The following FNIP1 variants were observed in gnomAD, a reference collection of about 807,000 sequenced individuals.
FNIP1 encodes the protein folliculin-interacting protein 1.
FNIP1 carries 40 observed loss-of-function variants against 124.5 expected under a neutral mutation model. The observed-to-expected ratio is 0.32, with a 90% CI of 0.25 to 0.42. The LOEUF is 0.42. FNIP1 is among the 10% of genes least tolerant of loss of function. The pLI is 1.00. For missense variants in FNIP1, 1,176 were observed against 1,403.7 expected (o/e 0.84, Z 2.59); for synonymous variants, 472 against 470.6 (o/e 1.00, Z -0.04).
At chr5:131,757,635 C>CA (rs372983798) in intron 1 of FNIP1, among the ~76,000 whole-genome samples, 1,279 of 70,102 alleles carry the variant, frequency 0.018, 17 homozygotes, top group African/African-American at 0.052. Context: ...CTCTGAAGGC[C>CA]AAAAAAAAAA....
intron 15 of FNIP1, among the ~76,000 whole-genome samples, chr5:131,665,643 G>A (rs1025642893): frequency 8.1e-5 from 12 of 148,306 alleles, no homozygotes; most frequent in African/African-American, 3.0e-4. Flanking sequence ...GGCCTGGAGT[G>A]CAATGGTGAA....
intron 1 of FNIP1, among the ~76,000 whole-genome samples, chr5:131,776,487 C>A (rs1038085247): frequency 2.6e-5 from 4 of 152,286 alleles, no homozygotes; most frequent in African/African-American, 9.6e-5. Flanking sequence ...AACCCTTTGA[C>A]TGAAAAACAA....
At chr5:131,732,034 A>G (rs1770111047) in intron 2 of FNIP1, among the ~76,000 whole-genome samples, 1 of 152,214 alleles carries the variant, frequency 6.6e-6, no homozygotes, top group South Asian at 2.1e-4. Context: ...GTGTAGAAGA[A>G]AAATGTATTT....
Position 131,705,313 on chromosome 5 carries a change from GA to G in FNIP1, c.915-1048del, listed in dbSNP as rs796767543. 8.4e-3 allele frequency among the ~76,000 whole-genome samples: 1,192 copies of G among 141,230 alleles called. 20 individuals are homozygous for G. Among genetic ancestry groups the G allele is most frequent in the African/African-American group, 0.026 (992 of 38,860 alleles). 92.7% of individuals were successfully genotyped at this position (141,230 alleles called of 152,430 possible). On this transcript the variant is annotated intron_variant, in intron 9 of 17. Transcript: ENST00000510461. ...GCGAAACCCCATCTCTAAAAAAAAA[GA>G]AAAAAAAAAAATTAGCCAGGTGTGG... is the stretch of plus-strand genomic sequence containing the variant.
intron 1 of FNIP1, among the ~76,000 whole-genome samples, chr5:131,771,774 ATTTATC>A (rs1189935524): frequency 6.6e-6 from 1 of 151,984 alleles, no homozygotes; most frequent in Non-Finnish European, 1.5e-5. Flanking sequence ...TCTTTCACCT[ATTTATC>A]TTTAAAAAGT....
chr5:131,740,410 G>A (rs1370484984), intron 2 of FNIP1, among the ~76,000 whole-genome samples: 1 of 152,148 alleles, frequency 6.6e-6, no homozygotes, highest in Non-Finnish European at 1.5e-5. Flanking sequence ...CTTAAAATCT[G>A]TAATCATCTT....
intron 7 of FNIP1, among the ~76,000 whole-genome samples, chr5:131,709,899 A>C (rs1769232892): frequency 6.6e-6 from 1 of 152,216 alleles, no homozygotes; most frequent in Non-Finnish European, 1.5e-5. Flanking sequence ...TACCAATCTG[A>C]GAACAATGAA....
intron 11 of FNIP1, among the ~76,000 whole-genome samples, chr5:131,688,131 A>G (rs1768346001): frequency 6.6e-6 from 1 of 152,050 alleles, no homozygotes; most frequent in Non-Finnish European, 1.5e-5. Flanking sequence ...TAATTTTAAG[A>G]TTACAGAACA....
intron 1 of FNIP1, among the ~76,000 whole-genome samples, chr5:131,754,693 A>G (rs1056926966): frequency 9.2e-5 from 14 of 152,242 alleles, no homozygotes; most frequent in African/African-American, 3.4e-4. Context: ...GGAGCATCAG[A>G]TCAACAGACA....
At chr5:131,790,038 A>G (rs534595781) in intron 1 of FNIP1, among the ~76,000 whole-genome samples, 7 of 152,344 alleles carry the variant, frequency 4.6e-5, no homozygotes, top group Admixed American at 3.3e-4. Flanking sequence ...CAAATATCCA[A>G]AACAGAACTT....
At chr5:131,791,778 A>G (rs1772412730) in intron 1 of FNIP1, among the ~76,000 whole-genome samples, 1 of 152,220 alleles carries the variant, frequency 6.6e-6, no homozygotes, top group South Asian at 2.1e-4. Flanking sequence ...ATGACACCAA[A>G]TTGGAATATG....
intron 11 of FNIP1, among the ~76,000 whole-genome samples, chr5:131,683,834 G>A (rs1325532444): frequency 6.6e-6 from 1 of 152,226 alleles, no homozygotes; most frequent in East Asian, 1.9e-4. Context: ...TAGCAACACT[G>A]AACCACTGCC....
chr5:131,781,286 G>A (rs745998749), intron 1 of FNIP1, among the ~76,000 whole-genome samples: 1 of 152,204 alleles, frequency 6.6e-6, no homozygotes, highest in Non-Finnish European at 1.5e-5. Context: ...AAATTACCCA[G>A]AAGATCTAGC....
rs1003866794 is a variant in FNIP1 at position 131,761,750 on chromosome 5, GA to G, written c.93-17061del. ...ACCAATGACATTCTTGACAGGAATA[GA>G]AAAAAAAAAATCCTTAAATTCATAC... is the stretch of plus-strand genomic sequence containing the variant. On this transcript the variant is annotated intron_variant, in intron 1 of 17. Transcript: ENST00000510461. Among the ~76,000 whole-genome samples the G allele has an allele frequency of 1.1e-3, 165 of 145,506 alleles. 1 individual carries two copies. Among genetic ancestry groups the G allele is most frequent in the Middle Eastern group, 3.5e-3 (1 of 288 alleles).
rs766296712 is a variant in FNIP1 at position 131,796,838 on chromosome 5, G to A, written c.84C>T (p.Cys28=). Residue 28 remains cysteine (C), a synonymous_variant, in exon 1 of 18, where the codon TGC becomes TGT. Coordinates refer to ENST00000510461, the MANE Select transcript of FNIP1 (RefSeq NM_133372.3). ...GCCCCACAGCGCCCTACCTGAACCCGCAATCTGGGTCCCGGGCGTCGCGGC... is the reference window on the plus strand; with the variant it reads ...GCCCCACAGCGCCCTACCTGAACCCACAATCTGGGTCCCGGGCGTCGCGGC... ...APGRDARDPD[C]GFSWPLPEFD... 2.5e-6 allele frequency: 4 copies of A among 1,591,072 alleles called. No homozygotes were observed. The highest frequency in any genetic ancestry group is 1.1e-5 in the South Asian group (1 of 87,986).
chr5:131,777,243 T>A (rs1222813837), intron 1 of FNIP1, among the ~76,000 whole-genome samples: 2 of 152,098 alleles, frequency 1.3e-5, no homozygotes, highest in Non-Finnish European at 2.9e-5. Context: ...TTAATTTGAA[T>A]TGGAACTTTC....
At chr5:131,659,239 C>G (rs1232896250) in intron 15 of FNIP1, among the ~76,000 whole-genome samples, 1 of 152,182 alleles carries the variant, frequency 6.6e-6, no homozygotes, top group Non-Finnish European at 1.5e-5. Context: ...TGTTGGTGTA[C>G]AGGTCTTTGC....
At chr5:131,779,884 T>A (rs1451754521) in intron 1 of FNIP1, among the ~76,000 whole-genome samples, 1 of 151,816 alleles carries the variant, frequency 6.6e-6, no homozygotes, top group African/African-American at 2.4e-5. Flanking sequence ...CTCTTTACAT[T>A]TTTGTTAGAA....
intron 15 of FNIP1, among the ~76,000 whole-genome samples, chr5:131,668,983 A>G (rs181799997): frequency 9.1e-4 from 139 of 152,342 alleles, no homozygotes; most frequent in Admixed American, 3.5e-3. Context: ...AAAAACAAAC[A>G]AACAAAAACA....
Sources: gnomAD v4.1 joint callset for allele counts (sites outside exome capture counted in the v4.1 genomes callset) on GRCh38, gnomAD v4.1.1 for gene constraint, MANE v1.5 for transcripts, NCBI Gene and HGNC (gene_info 2026-07-23, HGNC 2026-07-21) for gene names.